CACNA1B: variants seen among roughly 807,000 people sequenced by gnomAD.
The protein encoded by CACNA1B is voltage-dependent N-type calcium channel subunit alpha-1B.
In CACNA1B, 70 loss-of-function variants were observed where a neutral mutation model predicts 247.2. The ratio of observed to expected loss-of-function variants is 0.28; its 90% CI spans 0.23 to 0.35. CACNA1B has a LOEUF of 0.35. Among genes scored for constraint, CACNA1B ranks in the 10% least tolerant of loss-of-function variants. The pLI, the probability that CACNA1B is intolerant of heterozygous loss-of-function variation, is 1.00. For synonymous variants in CACNA1B, 1,231 were observed against 1,294.4 expected (o/e 0.95, Z 1.05); for missense variants, 2,367 against 3,197.4 (o/e 0.74, Z 6.26).
chr9:137,907,896 G>A (rs769428867), intron 3 of CACNA1B, among the ~76,000 whole-genome samples: 2 of 152,072 alleles, frequency 1.3e-5, no homozygotes, highest in Non-Finnish European at 2.9e-5. Context: ...TTCTGCCGAC[G>A]GGTGACCTGG....
chr9:138,038,982 C>T (rs922937362), intron 20 of CACNA1B, among the ~76,000 whole-genome samples: 12 of 151,748 alleles, frequency 7.9e-5, no homozygotes, highest in Admixed American at 2.0e-4. Context: ...GTCAGGAGTT[C>T]GAGACCAGCC....
At chr9:138,069,924 G>A (rs752911912) in intron 32 of CACNA1B, among the ~76,000 whole-genome samples, 161 bp downstream of exon 32, 5 of 152,200 alleles carry the variant, frequency 3.3e-5, no homozygotes, top group Middle Eastern at 3.2e-3. Flanking sequence ...TTGCTCCCTC[G>A]GCTCTGGGCA....
chr9:138,118,812 G>C (rs200225157), intron 44 of CACNA1B, 44 bp downstream of exon 44: 4 of 879,046 alleles, frequency 4.6e-6, no homozygotes, highest in South Asian at 2.9e-5. Context: ...GGGCAAGTGG[G>C]GGGTGGGGAA....
intron 21 of CACNA1B, among the ~76,000 whole-genome samples, chr9:138,045,541 C>T (rs1292813171): frequency 6.6e-6 from 1 of 152,198 alleles, no homozygotes; most frequent in East Asian, 1.9e-4. Context: ...AACCCAGTTT[C>T]TGCCTGACAG....
At chr9:137,897,852 G>A (rs1018902255) in intron 3 of CACNA1B, among the ~76,000 whole-genome samples, 10 of 151,682 alleles carry the variant, frequency 6.6e-5, no homozygotes, top group African/African-American at 2.4e-4. Flanking sequence ...GCTAATTTTT[G>A]TATTTTTAGT....
Position 137,955,757 on chromosome 9 carries a change from G to T in CACNA1B, c.1130G>T (p.Arg377Leu), listed in dbSNP as rs774297154. 2 of 1,612,936 alleles carry T rather than the reference G, an allele frequency of 1.2e-6. No individual in the cohort carries two copies. The highest frequency in any genetic ancestry group is 1.7e-6 in the Non-Finnish European group (2 of 1,179,458). ...CGCCGCGCCTTCCTGAAGCTGCGCC[G>T]GCAGCAGCAGATCGAGCGAGAGCTC... ...ENRRAFLKLR[R>L]QQQIERELNG... is the part of the protein sequence containing the mutation. The change falls in exon 8 of 47, where the codon CGG becomes CTG. Residue 377 changes from arginine to leucine, a missense_variant. Physicochemically the swap from Arg to Leu is moderately radical, Grantham distance 102 (BLOSUM62 -2). Transcript: ENST00000371372. This position sits in a 1 kb window ranked among gnomAD's most constrained non-coding sequence, Gnocchi z 6.9.
intron 6 of CACNA1B, among the ~76,000 whole-genome samples, chr9:137,944,172 G>A (rs1363741766): frequency 6.6e-6 from 1 of 151,942 alleles, no homozygotes; most frequent in Non-Finnish European, 1.5e-5. Context: ...CTTCCTTCAT[G>A]ATTGTTATAC....
chr9:138,069,639 C>T, intron 31 of CACNA1B, 119 bp from the exon 32 acceptor site: 1 of 745,732 alleles, frequency 1.3e-6, no homozygotes, highest in Non-Finnish European at 2.4e-6. Context: ...CTCACGCCAT[C>T]CAACCAACAT....
rs202216674 is a variant in CACNA1B, at chr9:138,075,859, A to G, written c.4898A>G (p.Asn1633Ser). 2 of 1,608,240 alleles carry G rather than the reference A, an allele frequency of 1.2e-6. No individual in the cohort carries two copies. The highest frequency in any genetic ancestry group is 8.5e-7 in the Non-Finnish European group (1 of 1,175,758). Residue 1633 changes from asparagine (N) to serine (S), a missense_variant, in exon 35 of 47, where the codon AAC becomes AGC. Transcript: ENST00000371372. ...NIALDDDTSI[N>S]RHNNFRTFLQ... ...GCCCTGGATGATGACACCAGCATCA[A>G]CCGCCACAACAACTTCCGGACGTTT...
Position 137,881,178 on chromosome 9 carries a change from G to A in CACNA1B, c.391-1566G>A, listed in dbSNP as rs1956912763. ...ACTGTTCCCCTGGGGCAGATGGTCA[G>A]CAACCCCACCCCTTGGGAAAAGGGG... On this transcript the variant is annotated intron_variant, in intron 2 of 46. Transcript: ENST00000371372. The surrounding 1 kb of genome is among the most constrained non-coding windows in gnomAD (Gnocchi z 4.3). 6.6e-6 allele frequency among the ~76,000 whole-genome samples: 1 copy of A among 152,174 alleles called. No individual in the cohort carries two copies. The highest frequency in any genetic ancestry group is 1.5e-5 in the Non-Finnish European group (1 of 68,024).
At chr9:138,043,570 T>C (rs563993207) in intron 20 of CACNA1B, among the ~76,000 whole-genome samples, 1 of 152,108 alleles carries the variant, frequency 6.6e-6, no homozygotes, top group South Asian at 2.1e-4. Flanking sequence ...AAGGGTCCGT[T>C]AGCGTCTCTG....
intron 6 of CACNA1B, among the ~76,000 whole-genome samples, chr9:137,941,603 A>G (rs1487390345): frequency 1.3e-5 from 2 of 152,204 alleles, no homozygotes; most frequent in Admixed American, 6.5e-5. Flanking sequence ...CTCAAACTAT[A>G]GTATAAGGCC....
chr9:137,920,323 A>G (rs916845155), intron 6 of CACNA1B, among the ~76,000 whole-genome samples: 1 of 152,114 alleles, frequency 6.6e-6, no homozygotes, highest in Admixed American at 6.5e-5. Flanking sequence ...CAGCCTCCTA[A>G]GTAGCTGGGA....
chr9:137,920,992 G>A (rs989612290), intron 6 of CACNA1B, among the ~76,000 whole-genome samples: 2 of 152,196 alleles, frequency 1.3e-5, no homozygotes, highest in African/African-American at 4.8e-5. Context: ...TCATACAAGT[G>A]GAGATCTTGG....
rs1957451416 is a variant in CACNA1B at position 137,919,373 on chromosome 9, G to A, written c.966+1942G>A. On this transcript the variant is annotated intron_variant, in intron 6 of 46. Coordinates refer to ENST00000371372, the MANE Select transcript of CACNA1B (RefSeq NM_000718.4). The surrounding 1 kb of genome is among the most constrained non-coding windows in gnomAD (Gnocchi z 4.6). ...GGGTACTGGGAGGGCAAGGCCTGGT[G>A]AGGTCTAGAAACCAGACATGCAGAT... Among the ~76,000 whole-genome samples the A allele has an allele frequency of 6.6e-6, 1 of 152,270 alleles. No individual in the cohort carries two copies. The highest frequency in any genetic ancestry group is 2.4e-5 in the African/African-American group (1 of 41,474).
At chr9:137,892,493 T>C in intron 3 of CACNA1B, 2 of 385,412 alleles carry the variant, frequency 5.2e-6, no homozygotes, top group Non-Finnish European at 1.0e-5. Context: ...GCCATAGTTC[T>C]CCCCCTTTCC....
In CACNA1B at chr9:137,919,333, C is replaced by A. The variant is rs1957450834; in HGVS notation, c.966+1902C>A. ...AAAACAGAAGAGGTTGAGGAGCAGGCAGTGACGAGGTACAGGGTACTGGGA... is the reference window on the plus strand; with the variant it reads ...AAAACAGAAGAGGTTGAGGAGCAGGAAGTGACGAGGTACAGGGTACTGGGA... On this transcript the variant is annotated intron_variant, in intron 6 of 46. Coordinates refer to ENST00000371372, the MANE Select transcript of CACNA1B (RefSeq NM_000718.4). The surrounding 1 kb of genome is among the most constrained non-coding windows in gnomAD (Gnocchi z 4.6). 1.3e-5 allele frequency among the ~76,000 whole-genome samples: 2 copies of A among 152,234 alleles called. No homozygotes were observed. Among genetic ancestry groups the A allele is most frequent in the African/African-American group, 4.8e-5 (2 of 41,460 alleles).
At chr9:137,890,936 C>A (rs1343399934) in intron 3 of CACNA1B, 1 of 153,392 alleles carries the variant, frequency 6.5e-6, no homozygotes, top group Non-Finnish European at 1.5e-5. Context: ...GGCAGGGCGG[C>A]CTGGGGGCCT....
intron 31 of CACNA1B, among the ~76,000 whole-genome samples, chr9:138,064,671 C>A (rs1046538139): frequency 2.0e-5 from 3 of 152,200 alleles, no homozygotes; most frequent in Admixed American, 6.5e-5. Context: ...CTTTGCAGGT[C>A]AGGGCTCTTG....
Sources: gnomAD v4.1 joint callset for allele counts (sites outside exome capture counted in the v4.1 genomes callset) on GRCh38, gnomAD v4.1.1 for gene constraint, Gnocchi (gnomAD v3.1) non-coding constraint, MANE v1.5 for transcripts, NCBI Gene and HGNC (gene_info 2026-07-23, HGNC 2026-07-21) for gene names.